Variants in MACROD2 observed in about 807,000 individuals in gnomAD.
MACROD2 encodes mono-ADP ribosylhydrolase 2.
A neutral mutation model predicts 70.4 loss-of-function variants in MACROD2; 36 were observed. The ratio of observed to expected loss-of-function variants is 0.51; its 90% CI spans 0.39 to 0.68. The LOEUF (loss-of-function observed/expected upper bound fraction) is 0.68. MACROD2 is among the 30% of genes least tolerant of loss of function. MACROD2 has a pLI of 0.00. For synonymous variants in MACROD2, 172 were observed against 178.8 expected (o/e 0.96, Z 0.30); for missense variants, 496 against 538.4 (o/e 0.92, Z 0.78).
At chr20:15,650,926 A>C (rs938004545) in intron 8 of MACROD2, among the ~76,000 whole-genome samples, 2 of 152,210 alleles carry the variant, frequency 1.3e-5, no homozygotes, top group African/African-American at 2.4e-5. Flanking sequence ...TCTTATCCTT[A>C]TGGAACTGGA....
At chr20:15,546,150 CAGG>C (rs1296392586) in intron 8 of MACROD2, among the ~76,000 whole-genome samples, 1 of 152,150 alleles carries the variant, frequency 6.6e-6, no homozygotes, top group African/African-American at 2.4e-5. Flanking sequence ...GAGGCTGAGG[CAGG>C]AGAATTGCTT....
chr20:15,543,839 A>G (rs1380166605), intron 8 of MACROD2, among the ~76,000 whole-genome samples: 1 of 152,188 alleles, frequency 6.6e-6, no homozygotes, highest in African/African-American at 2.4e-5. Context: ...CCTGTCTTTT[A>G]TCCGTTTCCC....
chr20:15,986,696 T>C (rs753969917), intron 13 of MACROD2, 31 bp from the exon 14 acceptor site: 24 of 1,561,110 alleles, frequency 1.5e-5, no homozygotes, highest in Non-Finnish European at 2.0e-5. Context: ...ATATCACATT[T>C]CTTTTATTTT....
Position 14,292,404 on chromosome 20 carries a change from G to C in MACROD2, c.272-201075G>C, listed in dbSNP as rs565133177. Among the ~76,000 whole-genome samples, 21 of 151,966 alleles carry C rather than the reference G, an allele frequency of 1.4e-4. 1 individual carries two copies. The highest frequency in any genetic ancestry group is 5.1e-4 in the African/African-American group (21 of 41,302). ...AGGCCAAGGATGCTGCTGAACATATGCAGAAGAACTTTTCTACAACAAAGA... is the reference window on the plus strand; with the variant it reads ...AGGCCAAGGATGCTGCTGAACATATCCAGAAGAACTTTTCTACAACAAAGA... On this transcript the variant is annotated intron_variant, in intron 3 of 17. Transcript: ENST00000684519.
intron 5 of MACROD2, among the ~76,000 whole-genome samples, chr20:14,948,946 A>G (rs1488236684): frequency 2.0e-5 from 3 of 152,174 alleles, no homozygotes; most frequent in Non-Finnish European, 4.4e-5. Flanking sequence ...TATAATCAGT[A>G]TTGTCCTTAC....
chr20:15,399,483 T>A (rs973003430), intron 6 of MACROD2, among the ~76,000 whole-genome samples: 63 of 152,326 alleles, frequency 4.1e-4, no homozygotes, highest in African/African-American at 1.4e-3. Context: ...CTACTATCCC[T>A]CCTGTTTCCT....
intron 13 of MACROD2, among the ~76,000 whole-genome samples, chr20:15,968,506 C>A (rs570398412): frequency 2.0e-5 from 3 of 151,708 alleles, no homozygotes; most frequent in Non-Finnish European, 4.4e-5. Context: ...AAGGCACATT[C>A]GAAAGGGACT....
intron 4 of MACROD2, among the ~76,000 whole-genome samples, chr20:14,653,503 C>T (rs1298645979): frequency 2.7e-5 from 4 of 150,668 alleles, no homozygotes; most frequent in Admixed American, 6.6e-5. Flanking sequence ...CAGGCGTGAG[C>T]CACCAAGCCC....
intron 15 of MACROD2, among the ~76,000 whole-genome samples, chr20:15,987,490 A>G (rs1435641734): frequency 6.6e-6 from 1 of 152,166 alleles, no homozygotes; most frequent in Non-Finnish European, 1.5e-5. Flanking sequence ...CAAAATCTGA[A>G]ATGGCTTTAG....
chr20:15,960,906 C>G (rs746735562), intron 12 of MACROD2, among the ~76,000 whole-genome samples: 1 of 152,124 alleles, frequency 6.6e-6, no homozygotes, highest in Non-Finnish European at 1.5e-5. Flanking sequence ...ACTACTCTAG[C>G]TCTAGAAAGA....
At chr20:14,367,043 A>C (rs544638770) in intron 3 of MACROD2, among the ~76,000 whole-genome samples, 163 of 151,170 alleles carry the variant, frequency 1.1e-3, no homozygotes, top group African/African-American at 3.7e-3. Flanking sequence ...TCCCTTTTCC[A>C]TTTTCTTTTG....
chr20:15,572,536 A>T (rs1329745630), intron 8 of MACROD2, among the ~76,000 whole-genome samples: 1 of 152,142 alleles, frequency 6.6e-6, no homozygotes, highest in African/African-American at 2.4e-5. Flanking sequence ...AAATTTAGCT[A>T]ATTTCTCAGA....
chr20:15,625,774 T>A (rs1349427363), intron 8 of MACROD2, among the ~76,000 whole-genome samples: 5 of 152,040 alleles, frequency 3.3e-5, no homozygotes, highest in African/African-American at 1.2e-4. Context: ...GTTCCTAGAT[T>A]CTGTCTGGAT....
chr20:14,788,793 G>C (rs2072409605), intron 5 of MACROD2, among the ~76,000 whole-genome samples: 1 of 98,114 alleles, frequency 1.0e-5, no homozygotes, highest in Non-Finnish European at 1.9e-5. Context: ...TTTTGAGACA[G>C]ACTCTTGCTC....
At chr20:14,129,238 T>G (rs2054688896) in intron 3 of MACROD2, among the ~76,000 whole-genome samples, 1 of 152,132 alleles carries the variant, frequency 6.6e-6, no homozygotes, top group Non-Finnish European at 1.5e-5. Flanking sequence ...GAACAGAAAT[T>G]TGGAAGAAGT....
At chr20:15,363,332 A>G (rs2423957) in intron 6 of MACROD2, among the ~76,000 whole-genome samples, 11,390 of 152,292 alleles carry the variant, frequency 0.075, 697 homozygotes, top group East Asian at 0.3. Context: ...ACAAGAGTAG[A>G]GTAAAAGCAA....
At chr20:15,893,001 T>C in intron 10 of MACROD2, 3 of 399,074 alleles carry the variant, frequency 7.5e-6, no homozygotes, top group Non-Finnish European at 1.3e-5. Context: ...TTCGAAAGAC[T>C]CTAGCGAGGG....
chr20:14,505,830 C>T (rs2084963311), intron 4 of MACROD2, among the ~76,000 whole-genome samples: 1 of 152,074 alleles, frequency 6.6e-6, no homozygotes, highest in Non-Finnish European at 1.5e-5. Context: ...ATTGGTAAAT[C>T]CTCTCTCCAA....
intron 5 of MACROD2, among the ~76,000 whole-genome samples, chr20:14,819,084 A>C (rs2072809118): frequency 6.6e-6 from 1 of 151,492 alleles, no homozygotes; most frequent in Admixed American, 6.6e-5. Context: ...GGCCAACATG[A>C]TGAAACCCCA....
Sources: allele counts gnomAD v4.1 joint callset (sites outside exome capture counted in the v4.1 genomes callset), GRCh38; gene constraint gnomAD v4.1.1; transcripts MANE v1.5; gene names NCBI Gene and HGNC (gene_info 2026-07-23, HGNC 2026-07-21).